The following MARCHF1 variants were observed in gnomAD, a reference collection of about 807,000 sequenced individuals.
MARCHF1 encodes E3 ubiquitin-protein ligase MARCHF1.
Under a neutral mutation model 54.2 loss-of-function variants are expected in MARCHF1, and 40 were observed. The observed-to-expected ratio is 0.74, with a 90% CI of 0.57 to 0.96. The LOEUF is 0.96. Ranked by LOEUF, MARCHF1 falls within the 40% of genes least tolerant of loss-of-function variation. The pLI is 0.00. For missense variants in MARCHF1, 586 were observed against 656.5 expected, an observed-to-expected ratio of 0.89 and a Z score of 1.17; for synonymous variants, 236 against 236.3, an observed-to-expected ratio of 1.00 and a Z score of 0.01.
intron 1 of MARCHF1, among the ~76,000 whole-genome samples, chr4:164,141,632 G>A (rs991901861): frequency 1.5e-4 from 23 of 152,188 alleles, no homozygotes; most frequent in East Asian, 3.9e-4. Flanking sequence ...CTGGCGGTGC[G>A]CAAGCTTTGG....
At chr4:163,541,477 G>C (rs192711828) in intron 9 of MARCHF1, among the ~76,000 whole-genome samples, 1 of 152,136 alleles carries the variant, frequency 6.6e-6, no homozygotes, top group Non-Finnish European at 1.5e-5. Flanking sequence ...TAAACTTAGC[G>C]ATAGGCTTAT....
At chr4:164,345,070 A>G (rs1730040003) in intron 1 of MARCHF1, among the ~76,000 whole-genome samples, 1 of 152,216 alleles carries the variant, frequency 6.6e-6, no homozygotes, top group Non-Finnish European at 1.5e-5. Flanking sequence ...CTAGTGCTCT[A>G]TACCATTGTA....
intron 7 of MARCHF1, among the ~76,000 whole-genome samples, chr4:163,599,730 C>A (rs144926973): frequency 6.6e-6 from 1 of 152,150 alleles, no homozygotes; most frequent in Non-Finnish European, 1.5e-5. Context: ...CCACTCCCAG[C>A]GTTTCTGATT....
intron 4 of MARCHF1, among the ~76,000 whole-genome samples, chr4:163,758,528 A>G (rs1316736988): frequency 6.6e-6 from 1 of 152,218 alleles, no homozygotes; most frequent in Non-Finnish European, 1.5e-5. Flanking sequence ...ATAAACTGAG[A>G]TCCTGAGTGT....
At chr4:163,931,924 T>C (rs931589637) in intron 3 of MARCHF1, among the ~76,000 whole-genome samples, 1 of 152,298 alleles carries the variant, frequency 6.6e-6, no homozygotes, top group Admixed American at 6.5e-5. Flanking sequence ...AGGCACAGCA[T>C]GGAGATATTT....
At chr4:163,913,793 C>A (rs1013750160) in intron 3 of MARCHF1, among the ~76,000 whole-genome samples, 2 of 152,134 alleles carry the variant, frequency 1.3e-5, no homozygotes, top group African/African-American at 4.8e-5. Flanking sequence ...CTACTGTCAC[C>A]AATTGTAACT....
intron 4 of MARCHF1, among the ~76,000 whole-genome samples, chr4:163,726,669 A>AAGAAACTC (rs1745663404): frequency 6.6e-6 from 1 of 152,248 alleles, no homozygotes; most frequent in South Asian, 2.1e-4. Flanking sequence ...TTAGTTCAGT[A>AAGAAACTC]AGAAACTCAC....
chr4:163,974,077 G>C (rs1019621695), intron 3 of MARCHF1, among the ~76,000 whole-genome samples: 1 of 152,200 alleles, frequency 6.6e-6, no homozygotes, highest in African/African-American at 2.4e-5. Context: ...TTCCTGAGTT[G>C]TAAAATGAAG....
chr4:163,578,515 C>T (rs1436521568), intron 8 of MARCHF1, among the ~76,000 whole-genome samples: 1 of 152,144 alleles, frequency 6.6e-6, no homozygotes, highest in Non-Finnish European at 1.5e-5. Flanking sequence ...TCCCAATTCT[C>T]TCCCCAGTAG....
rs532365043 is a variant in MARCHF1 at position 163,679,083 on chromosome 4, T to C, written c.162+21730A>G. On this transcript the variant is annotated intron_variant, in intron 5 of 9. Coordinates refer to ENST00000514618, the MANE Select transcript of MARCHF1 (RefSeq NM_001394959.1). ...TGGAGTTGTAAGTTGTGGCCATAAA[T>C]CATTATGTGTAGTATTTGGCTCTCA... Among the ~76,000 whole-genome samples, 6 of 152,304 alleles carry C rather than the reference T, an allele frequency of 3.9e-5. No individual in the cohort carries two copies. The East Asian group carries it at 1.2e-3, about 29-fold the overall frequency.
Position 164,312,324 on chromosome 4 carries a change from T to C in MARCHF1, c.-323+71546A>G, listed in dbSNP as rs577577829. Among the ~76,000 whole-genome samples the C allele has an allele frequency of 3.5e-3, 492 of 139,866 alleles. 16 individuals are homozygous for C. Among genetic ancestry groups the C allele is most frequent in the Admixed American group, 0.032 (448 of 14,140 alleles). 91.8% of individuals were successfully genotyped at this position (139,866 alleles called of 152,430 possible). A position where few individuals can be genotyped will look rare whatever the true frequency, so the allele number is the denominator to read the frequency against. ...CTGTGAATTATTTTCTTTTTCTTTT[T>C]TTTTTTTTTTTTTTTTGAGACGCAG... is the stretch of plus-strand genomic sequence containing the variant. On this transcript the variant is annotated intron_variant, in intron 1 of 9. Coordinates refer to ENST00000514618, the MANE Select transcript of MARCHF1 (RefSeq NM_001394959.1).
chr4:163,634,310 TAAAG>T (rs1278043665), intron 5 of MARCHF1, among the ~76,000 whole-genome samples: 1 of 148,816 alleles, frequency 6.7e-6, no homozygotes, highest in Non-Finnish European at 1.5e-5. Context: ...GCAAATTGGA[TAAAG>T]AGTCAAGACC....
At chr4:163,799,505 A>T (rs1336385720) in intron 4 of MARCHF1, among the ~76,000 whole-genome samples, 3 of 152,150 alleles carry the variant, frequency 2.0e-5, no homozygotes, top group Non-Finnish European at 4.4e-5. Flanking sequence ...GTGAACTAGC[A>T]TGTAAAAAGG....
At chr4:163,733,214 T>C (rs28630868) in intron 4 of MARCHF1, among the ~76,000 whole-genome samples, 7 of 30,542 alleles carry the variant, frequency 2.3e-4, no homozygotes, top group African/African-American at 2.7e-4. Flanking sequence ...TATATATATA[T>C]ATATATACAC....
intron 1 of MARCHF1, among the ~76,000 whole-genome samples, chr4:164,309,259 T>TGC (rs1734781526): frequency 9.5e-6 from 1 of 105,552 alleles, no homozygotes; most frequent in African/African-American, 4.7e-5. Context: ...CTAACCTGTG[T>TGC]GTGTGTGTGT....
At chr4:164,329,716 A>G (rs1268537196) in intron 1 of MARCHF1, among the ~76,000 whole-genome samples, 1 of 152,196 alleles carries the variant, frequency 6.6e-6, no homozygotes, top group African/African-American at 2.4e-5. Flanking sequence ...TCACACGGCA[A>G]AAGAAGGAGC....
intron 5 of MARCHF1, among the ~76,000 whole-genome samples, chr4:163,643,515 T>A (rs1337357757): frequency 6.6e-6 from 1 of 152,034 alleles, no homozygotes; most frequent in East Asian, 1.9e-4. Flanking sequence ...TGCATCCAGC[T>A]CCCTACATTT....
intron 4 of MARCHF1, among the ~76,000 whole-genome samples, chr4:163,757,622 T>A (rs1746715091): frequency 6.6e-6 from 1 of 152,236 alleles, no homozygotes; most frequent in Non-Finnish European, 1.5e-5. Context: ...AGAAAAATAG[T>A]TCTTTGAAAA....
At chr4:164,339,378 T>A (rs1729850555) in intron 1 of MARCHF1, among the ~76,000 whole-genome samples, 1 of 152,184 alleles carries the variant, frequency 6.6e-6, no homozygotes, top group Non-Finnish European at 1.5e-5. Flanking sequence ...TAATTATCTT[T>A]TCCAACCACA....
Sources: gnomAD v4.1 joint callset for allele counts (sites outside exome capture counted in the v4.1 genomes callset) on GRCh38, gnomAD v4.1.1 for gene constraint, MANE v1.5 for transcripts, NCBI Gene and HGNC (gene_info 2026-07-23, HGNC 2026-07-21) for gene names.